Variants in KCNQ1 observed in about 807,000 individuals in gnomAD.
KCNQ1 encodes the protein potassium voltage-gated channel subfamily Q member 1, also known as potassium voltage-gated channel subfamily KQT member 1.
A neutral mutation model predicts 72.4 loss-of-function variants in KCNQ1; 49 were observed. The ratio of observed to expected loss-of-function variants is 0.68; its 90% confidence interval spans 0.54 to 0.86. The LOEUF (loss-of-function observed/expected upper bound fraction) is 0.86. Ranked by LOEUF, KCNQ1 falls within the 40% of genes least tolerant of loss-of-function variation. The probability of loss-of-function intolerance (pLI) is 0.00; values close to 1 mark genes in which losing one functional copy is unlikely to be tolerated. For missense variants in KCNQ1, 790 were observed against 945.1 expected (o/e 0.84, Z 2.15); for synonymous variants, 450 against 412.6 (o/e 1.09, Z -1.10).
chr11:2,812,561 G>A (rs540785554), intron 15 of KCNQ1, among the ~76,000 whole-genome samples: 2 of 152,310 alleles, frequency 1.3e-5, no homozygotes, highest in African/African-American at 2.4e-5. Context: ...GCTCCTTCCC[G>A]GAGAGGAGGG....
At chr11:2,820,832 C>T (rs933471022) in intron 15 of KCNQ1, among the ~76,000 whole-genome samples, 2 of 152,190 alleles carry the variant, frequency 1.3e-5, no homozygotes, top group South Asian at 2.1e-4. Context: ...CTGGAAGCTG[C>T]TGGAAGCCAT....
At chr11:2,540,258 T>A (rs1847803252) in intron 2 of KCNQ1, among the ~76,000 whole-genome samples, 1 of 151,882 alleles carries the variant, frequency 6.6e-6, no homozygotes, top group East Asian at 1.9e-4. Context: ...TTCAGATGAG[T>A]TCTAATTATG....
chr11:2,573,047 C>T (rs572923188), intron 6 of KCNQ1, 61 bp downstream of exon 6: 347 of 1,569,672 alleles, frequency 2.2e-4, no homozygotes, highest in Middle Eastern at 8.8e-4. Flanking sequence ...GTGGGCAGGA[C>T]ATCTGGGCAC....
At chr11:2,523,263 G>A (rs948426591) in intron 1 of KCNQ1, among the ~76,000 whole-genome samples, 5 of 151,016 alleles carry the variant, frequency 3.3e-5, no homozygotes, top group Non-Finnish European at 5.9e-5. Flanking sequence ...GCGCGATCTC[G>A]GCTCACTGCA....
At chr11:2,667,498 C>G in intron 11 of KCNQ1, 1 of 396,218 alleles carries the variant, frequency 2.5e-6, no homozygotes, top group Non-Finnish European at 4.4e-6. Context: ...ACATTCACGC[C>G]ACAGAGGTGG....
intron 11 of KCNQ1, chr11:2,699,351 G>A (rs1850732549): frequency 5.0e-6 from 2 of 399,160 alleles, no homozygotes; most frequent in African/African-American, 4.1e-5. Flanking sequence ...GTGATCACCC[G>A]TCCCGCGCCG....
At chr11:2,716,309 A>G (rs1022809049) in intron 11 of KCNQ1, among the ~76,000 whole-genome samples, 6 of 152,114 alleles carry the variant, frequency 3.9e-5, no homozygotes, top group Non-Finnish European at 1.5e-5. Context: ...TCTGCATCAG[A>G]TGTGCTGCGG....
intron 2 of KCNQ1, among the ~76,000 whole-genome samples, chr11:2,568,411 A>G (rs1203762150): frequency 2.0e-5 from 3 of 152,256 alleles, no homozygotes; most frequent in Admixed American, 6.5e-5. Flanking sequence ...AAGGCCACCA[A>G]TAGTCGGGTG....
rs1847127756 is a variant in KCNQ1 at position 2,507,706 on chromosome 11, C to A, written c.387-20222C>A. On this transcript the variant is annotated intron_variant, in intron 1 of 15. Coordinates refer to ENST00000155840, the MANE Select transcript of KCNQ1 (RefSeq NM_000218.3). This position sits in a 1 kb window ranked among gnomAD's most constrained non-coding sequence, Gnocchi z 5.4. ...CTCTGGGGAGAGAGTGCGGGCTGGG[C>A]TCACAAGTTAGGGGAGGTGTCAGTG... 6.6e-6 allele frequency among the ~76,000 whole-genome samples: 1 copy of A among 152,000 alleles called. No individual in the cohort carries two copies. The highest frequency in any genetic ancestry group is 1.5e-5 in the Non-Finnish European group (1 of 68,006).
rs1008564810 is a variant in KCNQ1 at position 2,550,793 on chromosome 11, G to A, written c.478-19835G>A. Among the ~76,000 whole-genome samples the A allele has an allele frequency of 6.6e-6, 1 of 152,108 alleles. No individual in the cohort carries two copies. The highest frequency in any genetic ancestry group is 2.4e-5 in the African/African-American group (1 of 41,412). On this transcript the variant is annotated intron_variant, in intron 2 of 15. Coordinates refer to ENST00000155840, the MANE Select transcript of KCNQ1 (RefSeq NM_000218.3). This position sits in a 1 kb window ranked among gnomAD's most constrained non-coding sequence, Gnocchi z 6.0. ...ATAGGGCTGGAGTCCCGAGTACAAG[G>A]CATGGACAGGAGCCAGGCTTCACCT... is the stretch of plus-strand genomic sequence containing the variant.
intron 11 of KCNQ1, among the ~76,000 whole-genome samples, chr11:2,756,413 A>G (rs1376941277): frequency 2.0e-5 from 3 of 150,020 alleles, no homozygotes; most frequent in Non-Finnish European, 3.0e-5. Flanking sequence ...AGCCCACTGC[A>G]TTCTTATCAA....
At chr11:2,650,376 C>A (rs982579730) in intron 10 of KCNQ1, 10 of 398,458 alleles carry the variant, frequency 2.5e-5, no homozygotes, top group Non-Finnish European at 4.0e-5. Flanking sequence ...TCTGGAATAA[C>A]AGAGACTTCC....
At chr11:2,528,778 C>T (rs1008105642) in intron 2 of KCNQ1, among the ~76,000 whole-genome samples, 4 of 152,234 alleles carry the variant, frequency 2.6e-5, no homozygotes, top group African/African-American at 9.6e-5. Context: ...ACTCAGCTCC[C>T]GGCATGCACA....
At position 2,712,786 on chromosome 11, in the gene KCNQ1, G is replaced by A. The variant is rs555996120; in HGVS notation, c.1514+50705G>A. Among the ~76,000 whole-genome samples, 1 of 152,278 alleles carries A rather than the reference G, an allele frequency of 6.6e-6. No homozygotes were observed. Among genetic ancestry groups the A allele is most frequent in the African/African-American group, 2.4e-5 (1 of 41,548 alleles). ...CTGGCTCCTGCACTTTTTCTGCACGGGACTCCCTCACAGCCTCTGGGTTGG... is the reference window on the plus strand; with the variant it reads ...CTGGCTCCTGCACTTTTTCTGCACGAGACTCCCTCACAGCCTCTGGGTTGG... On this transcript the variant is annotated intron_variant, in intron 11 of 15. Transcript: ENST00000155840. The surrounding 1 kb of genome is among the most constrained non-coding windows in gnomAD (Gnocchi z 6.4).
chr11:2,621,063 C>T lies in KCNQ1; in HGVS notation c.1393+32209C>T, dbSNP rs1331912542. 5 of 396,822 alleles carry T rather than the reference C, an allele frequency of 1.3e-5. No individual in the cohort carries two copies. The highest frequency in any genetic ancestry group is 2.1e-5 in the African/African-American group (1 of 48,518). 24.6% of individuals were successfully genotyped at this position (396,822 alleles called of 1,614,324 possible). Reference sequence around the variant, plus strand: ...CGCAATCTCGGCTCACTGCAACCTCCACCTCCTGGGTTCAAGCAATTCTCC... The same window carrying T: ...CGCAATCTCGGCTCACTGCAACCTCTACCTCCTGGGTTCAAGCAATTCTCC... On this transcript the variant is annotated intron_variant, in intron 10 of 15. Transcript: ENST00000155840. This position sits in a 1 kb window ranked among gnomAD's most constrained non-coding sequence, Gnocchi z 5.7.
intron 10 of KCNQ1, chr11:2,630,058 C>A (rs1327673687): frequency 1.0e-5 from 4 of 398,052 alleles, no homozygotes; most frequent in African/African-American, 2.1e-5. Context: ...GTGGGCTATT[C>A]ATATATGGCC....
chr11:2,608,839 A>T lies in KCNQ1; in HGVS notation c.1393+19985A>T, dbSNP rs189694407. 2.5e-6 allele frequency: 1 copy of T among 398,202 alleles called. No homozygotes were observed. The highest frequency in any genetic ancestry group is 4.4e-6 in the Non-Finnish European group (1 of 225,966). 24.7% of individuals were successfully genotyped at this position (398,202 alleles called of 1,614,324 possible). A position where few individuals can be genotyped will look rare whatever the true frequency, so the allele number is the denominator to read the frequency against. ...ACTGTCATTCATTTCTGATTTTAGT[A>T]ATTTGAGTTTTCTCTCTCCCCCTTT... is the stretch of plus-strand genomic sequence containing the variant. On this transcript the variant is annotated intron_variant, in intron 10 of 15. Transcript: ENST00000155840. The surrounding 1 kb of genome is among the most constrained non-coding windows in gnomAD (Gnocchi z 4.6).
chr11:2,638,464 G>A (rs1849515598), intron 10 of KCNQ1: 1 of 152,156 alleles, frequency 6.6e-6, no homozygotes, highest in Non-Finnish European at 1.5e-5. Context: ...GAAATTCTGG[G>A]TTGAAAATTC....
In KCNQ1 at chr11:2,450,825, C is replaced by T. The variant is rs11824286; in HGVS notation, c.386+5341C>T. Among the ~76,000 whole-genome samples, 33,530 of 152,076 alleles carry T rather than the reference C, an allele frequency of 0.22. 4,621 individuals carry two copies. The highest frequency in any genetic ancestry group is 0.42 in the South Asian group (2,019 of 4,808). The stretch of plus-strand genomic sequence containing the variant: ...CCTAGTCCAGGGGGCCGCTTTTACA[C>T]GAGGCATCTGACCATGTGATAGGGT... On this transcript the variant is annotated intron_variant, in intron 1 of 15. Coordinates refer to ENST00000155840, the MANE Select transcript of KCNQ1 (RefSeq NM_000218.3). This position sits in a 1 kb window ranked among gnomAD's most constrained non-coding sequence, Gnocchi z 7.9.
Sources: gnomAD v4.1 joint callset for allele counts (sites outside exome capture counted in the v4.1 genomes callset) on GRCh38, gnomAD v4.1.1 for gene constraint, Gnocchi (gnomAD v3.1) non-coding constraint, MANE v1.5 for transcripts, NCBI Gene and HGNC (gene_info 2026-07-23, HGNC 2026-07-21) for gene names.